RGL4: variants seen among roughly 807,000 people sequenced by gnomAD.
RGL4 encodes ral guanine nucleotide dissociation stimulator like 4, also known as ral-GDS-related protein.
RGL4 carries 41 observed loss-of-function variants against 49.6 expected under a neutral mutation model. That is an observed-to-expected ratio of 0.83 (90% confidence interval 0.64 to 1.07). The LOEUF (loss-of-function observed/expected upper bound fraction) is 1.07, where lower values mean the gene tolerates loss of function less well. Ranked by LOEUF, RGL4 falls within the 50% of genes least tolerant of loss-of-function variation. The probability of loss-of-function intolerance (pLI) is 0.00; values close to 1 mark genes in which losing one functional copy is unlikely to be tolerated. For missense variants in RGL4, 610 were observed against 591.9 expected (o/e 1.03, Z -0.32); for synonymous variants, 255 against 238.0 (o/e 1.07, Z -0.66).
In RGL4 at chr22:23,691,079, G is replaced by C. The variant is rs1238715936; in HGVS notation, c.-952G>C. On this transcript the variant is annotated 5_prime_UTR_variant, in exon 1 of 11. Transcript: ENST00000290691. ...GTAGTGAGAAGACGAACCTCACAGGGTTCTTGTAGGGACTCAATGATCTAA... is the reference window on the plus strand; with the variant it reads ...GTAGTGAGAAGACGAACCTCACAGGCTTCTTGTAGGGACTCAATGATCTAA... 6.6e-6 allele frequency: 1 copy of C among 152,186 alleles called. No individual in the cohort carries two copies. Among genetic ancestry groups the C allele is most frequent in the Non-Finnish European group, 1.5e-5 (1 of 68,060 alleles). 9.4% of individuals were successfully genotyped at this position (152,186 alleles called of 1,614,324 possible). A position where few individuals can be genotyped will look rare whatever the true frequency, so the allele number is the denominator to read the frequency against.
intron 8 of RGL4, 135 bp downstream of exon 8, chr22:23,697,380 TG>T: frequency 1.4e-6 from 1 of 689,704 alleles, no homozygotes; most frequent in Non-Finnish European, 2.5e-6. Context: ...CTCCTGTGGG[TG>T]GGGGTGTCAG....
At position 23,691,923 on chromosome 22, in the gene RGL4, C is replaced by T; in HGVS notation, c.-108C>T. 1 of 1,172,558 alleles carries T rather than the reference C, an allele frequency of 8.5e-7. No individual in the cohort carries two copies. Among genetic ancestry groups the T allele is most frequent in the Non-Finnish European group, 1.2e-6 (1 of 823,818 alleles). The allele number at this position is 1,172,558 out of a possible 1,614,324, so 72.6% of individuals were successfully genotyped here. A position where few individuals can be genotyped will look rare whatever the true frequency, so the allele number is the denominator to read the frequency against. ...GGGTCACAGCTGGCCACTGAGAGACCCATCCCCCTCAGCACCGTGGCTTCC... is the reference window on the plus strand; with the variant it reads ...GGGTCACAGCTGGCCACTGAGAGACTCATCCCCCTCAGCACCGTGGCTTCC... On this transcript the variant is annotated 5_prime_UTR_variant, in exon 1 of 11. Coordinates refer to ENST00000290691, the MANE Select transcript of RGL4 (RefSeq NM_153615.2).
In RGL4 at chr22:23,698,247, A is replaced by G. The variant is rs1923641329; in HGVS notation, c.1296A>G (p.Gln432=). The G allele has an allele frequency of 1.2e-6, 2 of 1,611,304 alleles. No homozygotes were observed. Among genetic ancestry groups the G allele is most frequent in the Middle Eastern group, 1.7e-4 (1 of 5,936 alleles). The part of the protein sequence containing the change: ...VRVLQEMQLL[Q]VAAMNYRLRP... ...TTCTGCAGGAAATGCAGCTGCTCCA[A>G]GTGGCTGCCATGAATTACAGGCTTC... Residue 432 remains glutamine (Q), a synonymous_variant, in exon 10 of 11, where the codon CAA becomes CAG. Coordinates refer to ENST00000290691, the MANE Select transcript of RGL4 (RefSeq NM_153615.2).
At chr22:23,698,185 T>C in intron 9 of RGL4, 27 bp from the exon 10 acceptor site, 1 of 1,589,058 alleles carries the variant, frequency 6.3e-7, no homozygotes, top group Non-Finnish European at 8.6e-7. Flanking sequence ...ACCCAGGCCC[T>C]GTCAGCATCC....
In RGL4 at chr22:23,697,873, G is replaced by A. The variant is rs368887222; in HGVS notation, c.1260+12G>A. On this transcript the variant is annotated intron_variant, in intron 9 of 10. Coordinates refer to ENST00000290691, the MANE Select transcript of RGL4 (RefSeq NM_153615.2). ...ACAAGAGGAGCAAGGTGAGCAGCTG[G>A]GGCACTCACGTTGGATGAGGGTGGG... 8.1e-6 allele frequency: 13 copies of A among 1,604,502 alleles called. No homozygotes were observed. Among genetic ancestry groups the A allele is most frequent in the East Asian group, 4.5e-5 (2 of 44,554 alleles).
At chr22:23,694,074 G>A in intron 4 of RGL4, 100 bp downstream of exon 4, 1 of 1,048,982 alleles carries the variant, frequency 9.5e-7, no homozygotes, top group Admixed American at 1.9e-5. Flanking sequence ...CTCTGGCCTG[G>A]ACCCTGCACA....
chr22:23,696,237 T>C, intron 6 of RGL4: 1 of 1,090,364 alleles, frequency 9.2e-7, no homozygotes, highest in Non-Finnish European at 1.2e-6. Flanking sequence ...AATGAAGGGA[T>C]GCTGAGCCTG....
rs778810291 is a variant in RGL4 at position 23,699,098 on chromosome 22, T to C, written c.*215T>C. 7.4e-5 allele frequency: 113 copies of C among 1,533,300 alleles called. No homozygotes were observed. Among genetic ancestry groups the C allele is most frequent in the Non-Finnish European group, 8.8e-5 (101 of 1,143,640 alleles). 95.0% of individuals were successfully genotyped at this position (1,533,300 alleles called of 1,614,324 possible). On this transcript the variant is annotated 3_prime_UTR_variant, in exon 11 of 11. Coordinates refer to ENST00000290691, the MANE Select transcript of RGL4 (RefSeq NM_153615.2). ...GTGAGTCAGGCGGGAGACCATTTTA[T>C]GTTTATTTTCTTTAGTGTATAAGTA...
chr22:23,692,511 A>G lies in RGL4; in HGVS notation c.356A>G (p.Asn119Ser), dbSNP rs1173475810. 12 of 1,613,868 alleles carry G rather than the reference A, an allele frequency of 7.4e-6. No individual in the cohort carries two copies. Among genetic ancestry groups the G allele is most frequent in the East Asian group, 2.2e-5 (1 of 44,872 alleles). ...VLGQLVLPEP[N>S]EAKPDDPAPR... Reference sequence around the variant, plus strand: ...GGCCAGTTGGTGCTTCCGGAGCCCAACGAGGCCAAGCCAGATGGTGAGGGG... The same window carrying G: ...GGCCAGTTGGTGCTTCCGGAGCCCAGCGAGGCCAAGCCAGATGGTGAGGGG... Residue 119 changes from asparagine to serine, a missense_variant, in exon 2 of 11, where the codon AAC becomes AGC. Asn to Ser is a conservative substitution (Grantham distance 46, BLOSUM62 1). Coordinates refer to ENST00000290691, the MANE Select transcript of RGL4 (RefSeq NM_153615.2).
Position 23,696,730 on chromosome 22 carries a change from G to C in RGL4, c.1161+42G>C, listed in dbSNP as rs760815051. The C allele has an allele frequency of 8.3e-6, 13 of 1,562,964 alleles. No individual in the cohort carries two copies. The East Asian group carries it at 2.7e-4, about 33-fold the overall frequency. On this transcript the variant is annotated intron_variant, in intron 7 of 10. Transcript: ENST00000290691. ...CATGGACGGGCCGCAGGGGATCAGA[G>C]GACAGGGCTCCCTTCCCCGCCAGCT...
chr22:23,696,775 C>G, intron 7 of RGL4, 87 bp downstream of exon 7: 4 of 1,191,628 alleles, frequency 3.4e-6, no homozygotes, highest in Non-Finnish European at 4.8e-6. Context: ...CATATCAAGA[C>G]AGCGGGGGCT....
Position 23,691,727 on chromosome 22 carries a change from A to G in RGL4, c.-304A>G. ...TGAAGGGCCTTTTCACCCACAAAACATGGGGGAAAATATGTGGACTCTGGC... is the reference window on the plus strand; with the variant it reads ...TGAAGGGCCTTTTCACCCACAAAACGTGGGGGAAAATATGTGGACTCTGGC... On this transcript the variant is annotated 5_prime_UTR_variant, in exon 1 of 11. It removes an upstream start codon present in the reference 5' UTR. Transcript: ENST00000290691. 1 of 302,096 alleles carries G rather than the reference A, an allele frequency of 3.3e-6. No homozygotes were observed. The highest frequency in any genetic ancestry group is 4.3e-5 in the Admixed American group (1 of 23,292). The allele number at this position is 302,096 out of a possible 1,614,324, so 18.7% of individuals were successfully genotyped here.
Position 23,694,949 on chromosome 22 carries a change from G to A in RGL4, c.1017-1G>A, listed in dbSNP as rs759939813. The A allele has an allele frequency of 4.3e-6, 7 of 1,612,162 alleles. No individual in the cohort carries two copies. In the South Asian group the frequency reaches 7.7e-5, roughly 18 times the overall value. ...CCCTTCTTTCTTTCCTCTGCCCATA[G>A]CAAAAGCATGAAAGAGCTAAAAGAA... On this transcript the variant is annotated splice_acceptor_variant, in intron 5 of 10. Coordinates refer to ENST00000290691, the MANE Select transcript of RGL4 (RefSeq NM_153615.2). LOFTEE classifies it high-confidence loss of function.
chr22:23,692,770 C>T lies in RGL4; in HGVS notation c.475C>T (p.Pro159Ser), dbSNP rs878933465. 5 of 1,613,538 alleles carry T rather than the reference C, an allele frequency of 3.1e-6. No homozygotes were observed. The highest frequency in any genetic ancestry group is 4.2e-6 in the Non-Finnish European group (5 of 1,180,030). The change falls in exon 3 of 11, where the codon CCT becomes TCT. Residue 159 changes from proline (P) to serine (S), a missense_variant. Coordinates refer to ENST00000290691, the MANE Select transcript of RGL4 (RefSeq NM_153615.2). ...DLGPALEPES[P>S]AALGPPGYLH... ...GGGGCCTGCTCTGGAGCCAGAGTCA[C>T]CTGCAGCCCTGGGTCCACCAGGATA...
chr22:23,691,978 T>G lies in RGL4; in HGVS notation c.-53T>G. The G allele has an allele frequency of 6.3e-7, 1 of 1,582,320 alleles. No homozygotes were observed. Among genetic ancestry groups the G allele is most frequent in the Non-Finnish European group, 8.6e-7 (1 of 1,158,172 alleles). ...TCTCCCTGTCCTCCTCCCCCCGACATCTGCCCCTTCCCTCCTAACCCCAGG... is the reference window on the plus strand; with the variant it reads ...TCTCCCTGTCCTCCTCCCCCCGACAGCTGCCCCTTCCCTCCTAACCCCAGG... On this transcript the variant is annotated 5_prime_UTR_variant, in exon 1 of 11. Transcript: ENST00000290691.
In RGL4 at chr22:23,692,081, G is replaced by C. The variant is rs1234999939; in HGVS notation, c.51G>C (p.Gln17His). 1.9e-6 allele frequency: 3 copies of C among 1,614,006 alleles called. No individual in the cohort carries two copies. Among genetic ancestry groups the C allele is most frequent in the South Asian group, 1.1e-5 (1 of 91,090 alleles). Residue 17 changes from glutamine to histidine, a missense_variant, in exon 1 of 11, where the codon CAG (glutamine) becomes CAC (histidine). Physicochemically the swap from Gln to His is conservative, Grantham distance 24. Transcript: ENST00000290691. ...NLPAAAVLSAQVYSAVLQGLW... is the reference protein window; with the variant it reads ...NLPAAAVLSAHVYSAVLQGLW... The stretch of plus-strand genomic sequence containing the variant: ...CTGCAGCTGCAGTCTTGAGTGCCCA[G>C]GTGTACAGTGCTGTGCTCCAGGGCC...
At position 23,694,885 on chromosome 22, in the gene RGL4, G is replaced by A. The variant is rs1923380407; in HGVS notation, c.1017-65G>A. On this transcript the variant is annotated intron_variant, in intron 5 of 10. Coordinates refer to ENST00000290691, the MANE Select transcript of RGL4 (RefSeq NM_153615.2). ...GATTCACTGGGTTTTCAAACAAAAG[G>A]GACTGGAACTCACAAATCTCCCCTG... 3 of 1,267,918 alleles carry A rather than the reference G, an allele frequency of 2.4e-6. No homozygotes were observed. The Admixed American group carries it at 5.1e-5, about 21-fold the overall frequency. 78.5% of individuals were successfully genotyped at this position (1,267,918 alleles called of 1,614,324 possible).
chr22:23,691,878 G>A lies in RGL4; in HGVS notation c.-153G>A. Reference sequence around the variant, plus strand: ...CTGTAAATGGAGACTTAGGTCCCCTGCAAAGCAGAGGGGAGGCTGGGGTCA... The same window carrying A: ...CTGTAAATGGAGACTTAGGTCCCCTACAAAGCAGAGGGGAGGCTGGGGTCA... On this transcript the variant is annotated 5_prime_UTR_variant, in exon 1 of 11. Transcript: ENST00000290691. The A allele has an allele frequency of 1.4e-6, 1 of 708,060 alleles. No homozygotes were observed. The highest frequency in any genetic ancestry group is 1.9e-5 in the South Asian group (1 of 52,868). 43.9% of individuals were successfully genotyped at this position (708,060 alleles called of 1,614,324 possible). A position where few individuals can be genotyped will look rare whatever the true frequency, so the allele number is the denominator to read the frequency against.
chr22:23,698,184 C>CT, intron 9 of RGL4, 28 bp from the exon 10 acceptor site: 1 of 1,588,764 alleles, frequency 6.3e-7, no homozygotes, highest in South Asian at 1.1e-5. Context: ...CACCCAGGCC[C>CT]TGTCAGCATC....
Sources: gnomAD v4.1 joint callset for allele counts on GRCh38, gnomAD v4.1.1 for gene constraint, MANE v1.5 for transcripts, NCBI Gene and HGNC (gene_info 2026-07-23, HGNC 2026-07-21) for gene names.